TBC1D5: variants seen among roughly 807,000 people sequenced by gnomAD.
TBC1D5 encodes the protein TBC1 domain family, member 5.
In TBC1D5, 75 loss-of-function variants were observed where a neutral mutation model predicts 100.3. That is an observed-to-expected ratio of 0.75 (90% CI 0.62 to 0.91). The LOEUF (loss-of-function observed/expected upper bound fraction) is 0.91. Among genes scored for constraint, TBC1D5 ranks in the 40% least tolerant of loss-of-function variants. The pLI, the probability that TBC1D5 is intolerant of heterozygous loss-of-function variation, is 0.00. For synonymous variants in TBC1D5, 323 were observed against 325.6 expected (o/e 0.99, Z 0.09); for missense variants, 910 against 942.4 (o/e 0.97, Z 0.45).
chr3:17,546,795 A>AAAAAG (rs1553837209), intron 2 of TBC1D5, among the ~76,000 whole-genome samples: 8 of 151,880 alleles, frequency 5.3e-5, no homozygotes, highest in African/African-American at 1.9e-4. Context: ...AAAAAAAAAA[A>AAAAAG]AAAGAAAGAA....
intron 3 of TBC1D5, among the ~76,000 whole-genome samples, chr3:17,478,972 A>C (rs1304177880): frequency 1.3e-5 from 2 of 152,244 alleles, no homozygotes; most frequent in African/African-American, 4.8e-5. Flanking sequence ...ATATTGTGTA[A>C]CAAGTTTAGA....
At chr3:17,296,385 A>G (rs1366754327) in intron 14 of TBC1D5, among the ~76,000 whole-genome samples, 1 of 152,242 alleles carries the variant, frequency 6.6e-6, no homozygotes, top group African/African-American at 2.4e-5. Flanking sequence ...ATATTTGTTG[A>G]GAGCCTACTA....
intron 3 of TBC1D5, among the ~76,000 whole-genome samples, chr3:17,440,534 T>C (rs2094630491): frequency 1.3e-5 from 2 of 152,188 alleles, no homozygotes; most frequent in Non-Finnish European, 2.9e-5. Flanking sequence ...GGAGGATCAC[T>C]TGAGCCCATG....
At chr3:17,438,657 T>C (rs2094581460) in intron 3 of TBC1D5, among the ~76,000 whole-genome samples, 1 of 152,220 alleles carries the variant, frequency 6.6e-6, no homozygotes. Flanking sequence ...TTACCAGTCT[T>C]GGGTATTTCT....
intron 4 of TBC1D5, among the ~76,000 whole-genome samples, chr3:17,418,858 C>G (rs2094144751): frequency 6.6e-6 from 1 of 152,282 alleles, no homozygotes; most frequent in South Asian, 2.1e-4. Context: ...AACAAAAGTA[C>G]AGTTGGCCCT....
At chr3:17,403,224 C>G (rs1252705980) in exon 8 of TBC1D5, 1 of 1,590,988 alleles carries the variant, frequency 6.3e-7, no homozygotes. Flanking sequence ...AGTTCTTTAT[C>G]TTGGAAGAAT....
intron 18 of TBC1D5, among the ~76,000 whole-genome samples, chr3:17,199,545 C>T (rs1291186218): frequency 6.6e-6 from 1 of 152,118 alleles, no homozygotes; most frequent in African/African-American, 2.4e-5. Context: ...GCTTAGAATC[C>T]AACTGAGAAC....
At chr3:17,704,354 T>C (rs1445737528) in intron 1 of TBC1D5, among the ~76,000 whole-genome samples, 1 of 152,098 alleles carries the variant, frequency 6.6e-6, no homozygotes, top group East Asian at 1.9e-4. Flanking sequence ...ATCCGATTTC[T>C]CAATCCCTTC....
chr3:17,583,464 G>A (rs939628084), intron 2 of TBC1D5, among the ~76,000 whole-genome samples: 122 of 152,192 alleles, frequency 8.0e-4, no homozygotes, highest in African/African-American at 2.9e-3. Flanking sequence ...GATGGCTCAT[G>A]CCTGTAATCC....
intron 18 of TBC1D5, among the ~76,000 whole-genome samples, chr3:17,208,660 T>C (rs1332868000): frequency 6.6e-6 from 1 of 152,264 alleles, no homozygotes; most frequent in African/African-American, 2.4e-5. Context: ...AGCAGGTCTA[T>C]GTAGAGAGTT....
rs915887561 is a variant in TBC1D5 at position 17,251,435 on chromosome 3, C to A, written c.1331+7071G>T. ...TATATACTCACGGGAACCCCCCCCC[C>A]CCCAGTAGAAGCGATTAGAAGTGGA... On this transcript the variant is annotated intron_variant, in intron 16 of 21. Transcript: ENST00000253692. Among the ~76,000 whole-genome samples, 120 of 144,970 alleles carry A rather than the reference C, an allele frequency of 8.3e-4. 2 individuals are homozygous for A. The highest frequency in any genetic ancestry group is 2.9e-3 in the South Asian group (12 of 4,084).
chr3:17,224,044 A>C (rs1474707344), intron 17 of TBC1D5, among the ~76,000 whole-genome samples: 1 of 152,250 alleles, frequency 6.6e-6, no homozygotes, highest in Non-Finnish European at 1.5e-5. Flanking sequence ...AAAGTTTTGG[A>C]AATAGGCCTT....
In TBC1D5 at chr3:17,163,037, T is replaced by C. The variant is rs1256135777; in HGVS notation, c.2095-1781A>G. Among the ~76,000 whole-genome samples, 4 of 152,236 alleles carry C rather than the reference T, an allele frequency of 2.6e-5. No homozygotes were observed. In the East Asian group the frequency reaches 7.7e-4, roughly 29 times the overall value. ...TAGAGTGGTGCCTCTACTTCAGAGA[T>C]ACTGAGATCACTTATTCTCCTTTAG... On this transcript the variant is annotated intron_variant, in intron 21 of 21. Coordinates refer to ENST00000253692, the Ensembl canonical transcript of TBC1D5.
chr3:17,463,222 T>C (rs2095245817), intron 3 of TBC1D5, among the ~76,000 whole-genome samples: 1 of 152,234 alleles, frequency 6.6e-6, no homozygotes, highest in Admixed American at 6.5e-5. Context: ...TTATATCACT[T>C]CTTAATATCA....
At chr3:17,295,696 T>C (rs1212509310) in intron 14 of TBC1D5, among the ~76,000 whole-genome samples, 1 of 152,240 alleles carries the variant, frequency 6.6e-6, no homozygotes, top group African/African-American at 2.4e-5. Context: ...TAAGTTCATA[T>C]TGAGATATAC....
exon 22 of TBC1D5, chr3:17,161,076 A>G (rs147352127): frequency 6.2e-7 from 1 of 1,614,076 alleles, no homozygotes; most frequent in African/African-American, 1.3e-5. Context: ...AGTGGATCTG[A>G]GAACACCAGT....
At chr3:17,312,883 C>A (rs1370108530) in intron 13 of TBC1D5, among the ~76,000 whole-genome samples, 1 of 152,248 alleles carries the variant, frequency 6.6e-6, no homozygotes, top group East Asian at 1.9e-4. Context: ...ATGTTGGGTA[C>A]AGAAGATGAC....
At chr3:17,705,815 G>A (rs2153904605) in intron 1 of TBC1D5, among the ~76,000 whole-genome samples, 1 of 149,098 alleles carries the variant, frequency 6.7e-6, no homozygotes, top group African/African-American at 2.5e-5. Flanking sequence ...GGGCGGCCAG[G>A]CAGAGACACT....
chr3:17,446,093 T>A (rs1408959661), intron 3 of TBC1D5, among the ~76,000 whole-genome samples: 1 of 152,232 alleles, frequency 6.6e-6, no homozygotes. Context: ...TTCTCCTCTG[T>A]GGCATAAAAA....
Sources: gnomAD v4.1 joint callset for allele counts (sites outside exome capture counted in the v4.1 genomes callset) on GRCh38, gnomAD v4.1.1 for gene constraint, MANE v1.5 for transcripts, NCBI Gene and HGNC (gene_info 2026-07-23, HGNC 2026-07-21) for gene names.